The following HOXD11 variants were observed in gnomAD, a reference collection of about 807,000 sequenced individuals.
The protein encoded by HOXD11 is homeobox protein Hox-D11.
HOXD11 carries 16 observed loss-of-function variants against 23.1 expected under a neutral mutation model. The ratio of observed to expected loss-of-function variants is 0.69; its 90% CI spans 0.47 to 1.05. The LOEUF (loss-of-function observed/expected upper bound fraction) is 1.05. HOXD11 is among the 50% of genes least tolerant of loss of function. The probability of loss-of-function intolerance (pLI) is 0.00; values close to 1 mark genes in which losing one functional copy is unlikely to be tolerated. For missense variants in HOXD11, 564 were observed against 495.6 expected (o/e 1.14, Z -1.31); for synonymous variants, 262 against 224.4 (o/e 1.17, Z -1.50).
At chr2:176,111,139 TGGTGAAA>T (rs1395210829), downstream of HOXD11, among the ~76,000 whole-genome samples, 2 of 152,206 alleles carry the variant, frequency 1.3e-5, no homozygotes, top group Non-Finnish European at 2.9e-5. Flanking sequence ...AAGCATCCTT[TGGTGAAA>T]GATGCAATGG....
downstream of HOXD11, among the ~76,000 whole-genome samples, chr2:176,113,971 T>C (rs1249267836): frequency 6.6e-6 from 1 of 152,232 alleles, no homozygotes; most frequent in Admixed American, 6.5e-5. Flanking sequence ...TTAGCCTGTA[T>C]GTTTTCTTCA....
chr2:176,114,432 C>A (rs951154886), downstream of HOXD11, among the ~76,000 whole-genome samples: 24 of 152,152 alleles, frequency 1.6e-4, no homozygotes, highest in Non-Finnish European at 2.8e-4. Context: ...TGGGATGCTG[C>A]AGCCAAAGCA....
chr2:176,110,210 A>G (rs1357336839), downstream of HOXD11, among the ~76,000 whole-genome samples: 1 of 152,220 alleles, frequency 6.6e-6, no homozygotes. Flanking sequence ...CTCTCACGGC[A>G]TTTATCGCTT....
the HOXD11 span, among the ~76,000 whole-genome samples, chr2:176,114,953 G>A: frequency 6.6e-6 from 1 of 152,382 alleles, no homozygotes; most frequent in Non-Finnish European, 1.5e-5. Flanking sequence ...AACCTGGCAG[G>A]CCGAAGGACG....
downstream of HOXD11, among the ~76,000 whole-genome samples, chr2:176,112,536 C>T (rs968399051): frequency 6.6e-6 from 1 of 152,250 alleles, no homozygotes; most frequent in Non-Finnish European, 1.5e-5. Flanking sequence ...GGTGGGGAGG[C>T]CGGGGCTCCA....
the HOXD11 span, among the ~76,000 whole-genome samples, chr2:176,115,426 T>C: frequency 2.0e-5 from 3 of 152,262 alleles, no homozygotes; most frequent in South Asian, 2.1e-4. Flanking sequence ...AAAAAATCAA[T>C]AGTATAATTT....
At position 176,108,095 on chromosome 2, in the gene HOXD11, G is replaced by C; in HGVS notation, c.740G>C (p.Gly247Ala). 6.8e-7 allele frequency: 1 copy of C among 1,464,010 alleles called. No individual in the cohort carries two copies. The highest frequency in any genetic ancestry group is 9.0e-7 in the Non-Finnish European group (1 of 1,113,862). The allele number at this position is 1,464,010 out of a possible 1,614,324, so 90.7% of individuals were successfully genotyped here. A position where few individuals can be genotyped will look rare whatever the true frequency, so the allele number is the denominator to read the frequency against. Residue 247 changes from glycine (G) to alanine (A), a missense_variant, in exon 1 of 2, where the codon GGC becomes GCC. Transcript: ENST00000249504. ...GAAGGCAGCGGTGGCGACGGCGAGG[G>C]CCCCCCGGGAGAGGCGGGGGCCGAG... ...AAEGSGGDGE[G>A]PPGEAGAEKS...
At chr2:176,108,545 C>T (rs1040812592) in intron 1 of HOXD11, among the ~76,000 whole-genome samples, 2 of 152,000 alleles carry the variant, frequency 1.3e-5, no homozygotes, top group African/African-American at 4.8e-5. Flanking sequence ...CGCTAGCTGA[C>T]GCGCGCCGCT....
downstream of HOXD11, among the ~76,000 whole-genome samples, chr2:176,109,976 T>A (rs187234106): frequency 8.0e-4 from 122 of 152,336 alleles, 3 homozygotes; most frequent in Admixed American, 6.5e-3. Context: ...CAACCATTTT[T>A]AAAAACTGGT....
the HOXD11 span, among the ~76,000 whole-genome samples, chr2:176,115,425 A>G: frequency 6.6e-6 from 1 of 152,274 alleles, no homozygotes; most frequent in Non-Finnish European, 1.5e-5. Flanking sequence ...AAAAAAATCA[A>G]TAGTATAATT....
downstream of HOXD11, among the ~76,000 whole-genome samples, chr2:176,114,194 C>T (rs926351028): frequency 2.0e-5 from 3 of 152,370 alleles, no homozygotes; most frequent in East Asian, 5.8e-4. Flanking sequence ...GCACTTCATT[C>T]AGCTTTGGGC....
chr2:176,110,197 A>G (rs1689654631), downstream of HOXD11, among the ~76,000 whole-genome samples: 1 of 152,106 alleles, frequency 6.6e-6, no homozygotes, highest in African/African-American at 2.4e-5. Context: ...GGAGCTGCAG[A>G]CCCTCTCACG....
At chr2:176,108,563 A>G (rs1689622818) in intron 1 of HOXD11, among the ~76,000 whole-genome samples, 1 of 151,996 alleles carries the variant, frequency 6.6e-6, no homozygotes, top group Non-Finnish European at 1.5e-5. Context: ...GCTGGAGTCA[A>G]GCAGATGCCC....
chr2:176,108,839 G>A (rs1689629241), intron 1 of HOXD11, 68 bp from the exon 2 acceptor site: 3 of 1,076,024 alleles, frequency 2.8e-6, no homozygotes, highest in South Asian at 1.6e-5. Flanking sequence ...TCAGTGGCCC[G>A]GGCGGGCGGG....
At chr2:176,110,028 C>G (rs934077315), downstream of HOXD11, among the ~76,000 whole-genome samples, 1 of 152,146 alleles carries the variant, frequency 6.6e-6, no homozygotes, top group African/African-American at 2.4e-5. Flanking sequence ...CAAGGAGTCA[C>G]AGTCCCTTAA....
Position 176,107,987 on chromosome 2 carries a change from G to T in HOXD11, c.632G>T (p.Gly211Val), listed in dbSNP as rs1218610456. ...PPQPEGAADK[G>V]DPRTGAGGGG... ...CAGCCCGAGGGCGCAGCCGACAAGG[G>T]CGACCCCAGGACCGGGGCTGGTGGC... is the stretch of plus-strand genomic sequence containing the variant. The change falls in exon 1 of 2, where the codon GGC becomes GTC. Residue 211 changes from glycine (G) to valine (V), a missense_variant. Coordinates refer to ENST00000249504, the MANE Select transcript of HOXD11 (RefSeq NM_021192.3). 2 of 1,463,124 alleles carry T rather than the reference G, an allele frequency of 1.4e-6. No homozygotes were observed. The highest frequency in any genetic ancestry group is 4.8e-5 in the Admixed American group (2 of 41,698). 90.6% of individuals were successfully genotyped at this position (1,463,124 alleles called of 1,614,324 possible).
chr2:176,115,432 A>T, the HOXD11 span, among the ~76,000 whole-genome samples: 1 of 152,274 alleles, frequency 6.6e-6, no homozygotes, highest in Non-Finnish European at 1.5e-5. Flanking sequence ...TCAATAGTAT[A>T]ATTTTCAATA....
chr2:176,108,854 T>TG, intron 1 of HOXD11, 53 bp from the exon 2 acceptor site: 1 of 1,162,310 alleles, frequency 8.6e-7, no homozygotes. Flanking sequence ...GGCGGGCGGG[T>TG]GGGGGCTGTC....
At chr2:176,111,826 C>CAAAAAAAAAAAAAAAAAAAAAAAAAAA (rs1176283938), downstream of HOXD11, among the ~76,000 whole-genome samples, 2 of 22,744 alleles carry the variant, frequency 8.8e-5, 1 homozygote, top group Non-Finnish European at 1.5e-4. Flanking sequence ...CTCCCCCCCG[C>CAAAAAAAAAAAAAAAAAAAAAAAAAAA]AAAAAAAAAA....
Sources: gnomAD v4.1 joint callset for allele counts (sites outside exome capture counted in the v4.1 genomes callset) on GRCh38, gnomAD v4.1.1 for gene constraint, MANE v1.5 for transcripts, NCBI Gene and HGNC (gene_info 2026-07-23, HGNC 2026-07-21) for gene names.